The following WWOX variants were observed in gnomAD, a reference collection of about 807,000 sequenced individuals.
WWOX encodes WW domain containing oxidoreductase.
WWOX carries 69 observed loss-of-function variants against 46.2 expected under a neutral mutation model. That is an observed-to-expected ratio of 1.49 (90% CI 1.23 to 1.82). The LOEUF (loss-of-function observed/expected upper bound fraction) is 1.82, where lower values mean the gene tolerates loss of function less well. Among genes scored for constraint, WWOX ranks in the 40% most tolerant of loss-of-function variants. The probability of loss-of-function intolerance (pLI) is 0.00; values close to 1 mark genes in which losing one functional copy is unlikely to be tolerated. For synonymous variants in WWOX, 359 were observed against 202.6 expected (o/e 1.77, Z -6.56); for missense variants, 919 against 542.6 (o/e 1.69, Z -6.89).
At chr16:78,210,819 CTG>C (rs1047092383) in intron 5 of WWOX, among the ~76,000 whole-genome samples, 1 of 152,166 alleles carries the variant, frequency 6.6e-6, no homozygotes, top group Non-Finnish European at 1.5e-5. Context: ...AGTAGCCTAT[CTG>C]TGGTTTAATA....
intron 8 of WWOX, among the ~76,000 whole-genome samples, chr16:78,787,180 A>C (rs1004570624): frequency 1.3e-5 from 2 of 152,160 alleles, no homozygotes; most frequent in African/African-American, 4.8e-5. Context: ...AAACAAAAAA[A>C]GTTCACCACT....
At chr16:79,028,341 C>G (rs1212059901) in intron 8 of WWOX, among the ~76,000 whole-genome samples, 1 of 151,770 alleles carries the variant, frequency 6.6e-6, no homozygotes, top group African/African-American at 2.4e-5. Flanking sequence ...ATGAGTGTAT[C>G]GTTAGGCATG....
In WWOX at chr16:78,723,388, C is replaced by T. The variant is rs187734663; in HGVS notation, c.1056+290636C>T. Among the ~76,000 whole-genome samples, 9 of 151,922 alleles carry T rather than the reference C, an allele frequency of 5.9e-5. No homozygotes were observed. The South Asian group carries it at 6.2e-4, about 11-fold the overall frequency. ...CTATGAGAAGTGAGGCAGGAGAAGG[C>T]GGAGTGACCACAAGATGCCCTGATG... On this transcript the variant is annotated intron_variant, in intron 8 of 8. Coordinates refer to ENST00000566780, the MANE Select transcript of WWOX (RefSeq NM_016373.4).
intron 8 of WWOX, among the ~76,000 whole-genome samples, chr16:79,084,004 T>G (rs1272001149): frequency 2.0e-5 from 3 of 152,202 alleles, no homozygotes; most frequent in Admixed American, 6.5e-5. Context: ...GTGGGGGCTG[T>G]TTTGGTTAAC....
intron 8 of WWOX, among the ~76,000 whole-genome samples, chr16:78,443,818 C>A (rs72799912): frequency 6.6e-6 from 1 of 151,942 alleles, no homozygotes; most frequent in Non-Finnish European, 1.5e-5. Context: ...GTTTGTGGTG[C>A]CTTCTTTGAT....
intron 8 of WWOX, among the ~76,000 whole-genome samples, chr16:78,983,206 A>G (rs1464346177): frequency 2.0e-5 from 3 of 152,232 alleles, no homozygotes; most frequent in Non-Finnish European, 2.9e-5. Flanking sequence ...GAGCTGAAAC[A>G]TAGACCACGG....
At chr16:78,414,046 G>A (rs963905145) in intron 6 of WWOX, among the ~76,000 whole-genome samples, 1 of 151,728 alleles carries the variant, frequency 6.6e-6, no homozygotes, top group Non-Finnish European at 1.5e-5. Context: ...ATTTGTTCCT[G>A]CCCCACCCTA....
chr16:79,017,911 A>G (rs368047561), intron 8 of WWOX, among the ~76,000 whole-genome samples: 8 of 152,322 alleles, frequency 5.3e-5, no homozygotes, highest in East Asian at 1.9e-4. Context: ...TTAATATACA[A>G]TGAAGTAGTA....
At chr16:79,189,860 G>T (rs1435208913) in intron 8 of WWOX, among the ~76,000 whole-genome samples, 8 of 138,448 alleles carry the variant, frequency 5.8e-5, no homozygotes, top group Admixed American at 2.4e-4. Context: ...TTAGTAGGTA[G>T]TTTAACTCCT....
intron 8 of WWOX, among the ~76,000 whole-genome samples, chr16:78,952,145 T>G (rs1373998853): frequency 2.0e-5 from 3 of 152,050 alleles, no homozygotes; most frequent in Admixed American, 6.5e-5. Flanking sequence ...ATTGTAACCC[T>G]CTACCCTCTC....
intron 8 of WWOX, among the ~76,000 whole-genome samples, chr16:78,663,940 G>C (rs1444541248): frequency 6.6e-6 from 1 of 152,150 alleles, no homozygotes; most frequent in Non-Finnish European, 1.5e-5. Flanking sequence ...ATCAAGAGGG[G>C]GGCCAACCAC....
chr16:78,809,531 A>T (rs1164731377), intron 8 of WWOX, among the ~76,000 whole-genome samples: 2 of 151,950 alleles, frequency 1.3e-5, no homozygotes, highest in Middle Eastern at 3.2e-3. Flanking sequence ...TTCCTTTCCA[A>T]CTTCCACTTG....
At chr16:78,872,544 A>C (rs1169215953) in intron 8 of WWOX, among the ~76,000 whole-genome samples, 1 of 152,156 alleles carries the variant, frequency 6.6e-6, no homozygotes, top group Non-Finnish European at 1.5e-5. Context: ...AATCACTCTA[A>C]GCCTCAATTT....
chr16:78,356,012 G>A (rs1346410342), intron 5 of WWOX, among the ~76,000 whole-genome samples: 6 of 139,020 alleles, frequency 4.3e-5, no homozygotes, highest in African/African-American at 1.6e-4. Flanking sequence ...TAAGCTAAAT[G>A]GTATTTTCGT....
intron 8 of WWOX, among the ~76,000 whole-genome samples, chr16:78,955,949 C>G (rs191504006): frequency 2.7e-3 from 414 of 151,522 alleles, no homozygotes; most frequent in African/African-American, 9.4e-3. Flanking sequence ...TGCCTGGCCT[C>G]TGGCCTTCTT....
At chr16:79,141,942 C>G (rs1207969685) in intron 8 of WWOX, among the ~76,000 whole-genome samples, 1 of 151,176 alleles carries the variant, frequency 6.6e-6, no homozygotes, top group African/African-American at 2.4e-5. Flanking sequence ...TGCTTCTTGG[C>G]TATTGTGATA....
At chr16:78,897,502 G>A (rs755693817) in intron 8 of WWOX, 1 of 152,004 alleles carries the variant, frequency 6.6e-6, no homozygotes, top group Admixed American at 6.6e-5. Flanking sequence ...GGGTGTATTA[G>A]GGGTTCTCTT....
intron 5 of WWOX, among the ~76,000 whole-genome samples, chr16:78,268,127 G>A (rs749827734): frequency 1.1e-4 from 16 of 152,158 alleles, no homozygotes; most frequent in Non-Finnish European, 2.2e-4. Flanking sequence ...CTTGCTCCAC[G>A]ATTTTCCTCT....
chr16:78,189,693 C>T (rs55663738), intron 5 of WWOX, among the ~76,000 whole-genome samples: 17,738 of 152,058 alleles, frequency 0.12, 1,089 homozygotes, highest in South Asian at 0.19. Context: ...CTTGCTGTGT[C>T]TCCCAGGCTG....
Sources: gnomAD v4.1 joint callset for allele counts (sites outside exome capture counted in the v4.1 genomes callset) on GRCh38, gnomAD v4.1.1 for gene constraint, MANE v1.5 for transcripts, NCBI Gene and HGNC (gene_info 2026-07-23, HGNC 2026-07-21) for gene names.